Variants in TEX11 observed in about 807,000 individuals in gnomAD.
TEX11 encodes the protein testis expressed 11.
A neutral mutation model predicts 84.4 loss-of-function variants in TEX11; 7 were observed. The ratio of observed to expected loss-of-function variants is 0.08; its 90% CI spans 0.05 to 0.16. The LOEUF (loss-of-function observed/expected upper bound fraction) is 0.16. Among genes scored for constraint, TEX11 ranks in the 10% least tolerant of loss-of-function variants. TEX11 has a pLI of 1.00. For missense variants in TEX11, 551 were observed against 660.5 expected, an observed-to-expected ratio of 0.83 and a Z score of 1.82; for synonymous variants, 264 against 222.8, an observed-to-expected ratio of 1.18 and a Z score of -1.64.
chrX:70,615,004 C>G (rs1395424429), intron 20 of TEX11, among the ~76,000 whole-genome samples: 1 of 111,211 alleles, frequency 9.0e-6, no homozygotes, highest in Non-Finnish European at 1.9e-5. Flanking sequence ...GTGGTGTCCC[C>G]TAATGCAGAT....
chrX:70,639,562 C>T (rs1421018782), intron 17 of TEX11, among the ~76,000 whole-genome samples: 1 of 111,843 alleles, frequency 8.9e-6, no homozygotes, highest in Non-Finnish European at 1.9e-5. Flanking sequence ...CAGTACGCAG[C>T]TGGAGATCTG....
Position 70,780,025 on chromosome X carries a change from G to C in TEX11, c.692+26680C>G, listed in dbSNP as rs906911550. 4.5e-5 allele frequency among the ~76,000 whole-genome samples: 5 copies of C among 111,399 alleles called. 1 individual carries two copies. Among genetic ancestry groups the C allele is most frequent in the Non-Finnish European group, 9.4e-5 (5 of 53,098 alleles). ...CTCATGCCTGTAATCCCAGCACCTT[G>C]GGAGGCCGAGGTGTGCAGATTGCCT... On this transcript the variant is annotated intron_variant, in intron 9 of 29. Transcript: ENST00000374333.
intron 2 of TEX11, among the ~76,000 whole-genome samples, chrX:70,882,175 T>C (rs762382408): frequency 2.2e-4 from 24 of 111,457 alleles, no homozygotes; most frequent in Non-Finnish European, 4.3e-4. Context: ...CATATATTTA[T>C]ATAGCCCTTA....
chrX:70,671,895 A>ATG (rs2090026521), intron 15 of TEX11, among the ~76,000 whole-genome samples: 1 of 24,072 alleles, frequency 4.2e-5, no homozygotes, highest in East Asian at 7.8e-4. Context: ...ATATATATAT[A>ATG]TATATATATA....
chrX:70,850,113 T>G (rs1273479086), intron 7 of TEX11, among the ~76,000 whole-genome samples: 1 of 112,229 alleles, frequency 8.9e-6, no homozygotes, highest in Admixed American at 9.5e-5. Flanking sequence ...TCTGTCTTCC[T>G]ATAATTTCTA....
intron 9 of TEX11, among the ~76,000 whole-genome samples, chrX:70,784,933 A>C (rs2091067734): frequency 8.9e-6 from 1 of 112,089 alleles, no homozygotes; most frequent in Non-Finnish European, 1.9e-5. Flanking sequence ...TGCCATCCCC[A>C]TTAAGCTACC....
intron 25 of TEX11, among the ~76,000 whole-genome samples, chrX:70,555,648 T>C (rs749233432): frequency 1.8e-5 from 2 of 112,229 alleles, no homozygotes; most frequent in Admixed American, 9.5e-5. Flanking sequence ...TCTTATATTG[T>C]CTTTGTCTAC....
At position 70,740,812 on chromosome X, in the gene TEX11, A is replaced by G. The variant is rs768996739; in HGVS notation, c.748-16T>C. 1.8e-6 allele frequency: 2 copies of G among 1,101,640 alleles called. No individual in the cohort carries two copies. Among genetic ancestry groups the G allele is most frequent in the Non-Finnish European group, 2.5e-6 (2 of 816,048 alleles). 90.8% of individuals were successfully genotyped at this position (1,101,640 alleles called of 1,213,427 possible). A position where few individuals can be genotyped will look rare whatever the true frequency, so the allele number is the denominator to read the frequency against. ...GAACTTTAGCCTGTAAGAAAAAAAA[A>G]AAGAAAAAAAGCACATATCTGATGG... On this transcript the variant is annotated splice_polypyrimidine_tract_variant and intron_variant, in intron 10 of 29. Coordinates refer to ENST00000374333, the MANE Select transcript of TEX11 (RefSeq NM_031276.3).
chrX:70,736,488 C>A (rs1413808869), intron 11 of TEX11, among the ~76,000 whole-genome samples: 1 of 106,137 alleles, frequency 9.4e-6, no homozygotes, highest in Non-Finnish European at 1.9e-5. Flanking sequence ...GAGTTTTTTT[C>A]TTTTATCTAA....
the TEX11 span, among the ~76,000 whole-genome samples, chrX:70,517,052 T>C: frequency 8.9e-6 from 1 of 111,820 alleles, no homozygotes; most frequent in Non-Finnish European, 1.9e-5. Flanking sequence ...AAATATACAA[T>C]CACGTCATCT....
intron 9 of TEX11, among the ~76,000 whole-genome samples, chrX:70,792,339 T>C (rs1569442887): frequency 1.5e-4 from 2 of 13,765 alleles, no homozygotes; most frequent in East Asian, 0.012. Context: ...TATATATATA[T>C]ATATATATAT....
chrX:70,645,848 A>G (rs929208732), intron 17 of TEX11, among the ~76,000 whole-genome samples: 1 of 111,144 alleles, frequency 9.0e-6, no homozygotes, highest in Admixed American at 9.7e-5. Context: ...ATACTACCCA[A>G]GGCAATCTAC....
At position 70,533,345 on chromosome X, in the gene TEX11, T is replaced by G. The variant is rs373540064; in HGVS notation, c.2521-3346A>C. 4.5e-5 allele frequency among the ~76,000 whole-genome samples: 5 copies of G among 111,845 alleles called. No individual in the cohort carries two copies. The East Asian group carries it at 1.4e-3, about 31-fold the overall frequency. ...TAAGTTCTATTTTAAACAAGTTGGCTTGAGGTAACTCTGGAGATAAGCAGG... is the reference window on the plus strand; with the variant it reads ...TAAGTTCTATTTTAAACAAGTTGGCGTGAGGTAACTCTGGAGATAAGCAGG... On this transcript the variant is annotated intron_variant, in intron 28 of 29. Coordinates refer to ENST00000374333, the MANE Select transcript of TEX11 (RefSeq NM_031276.3).
chrX:70,739,185 A>G (rs1353623487), intron 11 of TEX11, among the ~76,000 whole-genome samples: 1 of 111,314 alleles, frequency 9.0e-6, no homozygotes, highest in Non-Finnish European at 1.9e-5. Flanking sequence ...AATGTTGAAC[A>G]AGTTTTTCAG....
At chrX:70,763,817 T>C (rs1569433747) in intron 9 of TEX11, among the ~76,000 whole-genome samples, 1 of 111,213 alleles carries the variant, frequency 9.0e-6, no homozygotes, top group Non-Finnish European at 1.9e-5. Context: ...CACCCAACAC[T>C]GGAGCACCCA....
intron 16 of TEX11, among the ~76,000 whole-genome samples, chrX:70,652,784 T>C (rs1277376865): frequency 9.0e-6 from 1 of 111,510 alleles, no homozygotes; most frequent in African/African-American, 3.2e-5. Context: ...AGAAAATTAG[T>C]GGGCTGAAAG....
At chrX:70,548,769 C>T (rs780043452) in intron 28 of TEX11, among the ~76,000 whole-genome samples, 8 of 112,126 alleles carry the variant, frequency 7.1e-5, no homozygotes, top group African/African-American at 2.6e-4. Context: ...TGAGTTCCAA[C>T]AAGCCTTGCC....
chrX:70,735,007 C>G (rs1412133289), intron 11 of TEX11, among the ~76,000 whole-genome samples: 1 of 111,490 alleles, frequency 9.0e-6, no homozygotes, highest in Admixed American at 9.6e-5. Flanking sequence ...ACAAAAGGCA[C>G]GCAGATTGGA....
chrX:70,578,101 T>C (rs1215132935), intron 25 of TEX11, among the ~76,000 whole-genome samples: 2 of 112,383 alleles, frequency 1.8e-5, no homozygotes, highest in Non-Finnish European at 3.8e-5. Context: ...ATTGTGTTAC[T>C]GGAGAAATGT....
Sources: gnomAD v4.1 joint callset for allele counts (sites outside exome capture counted in the v4.1 genomes callset) on GRCh38, gnomAD v4.1.1 for gene constraint, MANE v1.5 for transcripts, NCBI Gene and HGNC (gene_info 2026-07-23, HGNC 2026-07-21) for gene names.